Variants in SETMAR observed in about 807,000 individuals in gnomAD.
SETMAR encodes SET and mariner transposase domain methyltransferase.
In SETMAR, 44 loss-of-function variants were observed where a neutral mutation model predicts 58.4. The observed-to-expected ratio is 0.75, with a 90% confidence interval of 0.59 to 0.97. SETMAR has a LOEUF of 0.97. Ranked by LOEUF, SETMAR falls within the 50% of genes least tolerant of loss-of-function variation. The pLI is 0.00. For synonymous variants in SETMAR, 332 were observed against 307.4 expected (o/e 1.08, Z -0.84); for missense variants, 903 against 840.2 (o/e 1.07, Z -0.92).
rs1430488144 is a variant in SETMAR at position 4,316,236 on chromosome 3, A to C, written c.1045A>C (p.Lys349Gln). The change falls in exon 3 of 3, where the codon AAG becomes CAG. Residue 349 changes from lysine (K) to glutamine (Q), a missense_variant. Transcript: ENST00000358065. The stretch of plus-strand genomic sequence containing the variant: ...GACTATGAAAATGATGTTAGACAAA[A>C]AGCAAATTCGAGCAATTTTCTTATT... The part of the protein sequence containing the change: ...LETMKMMLDK[K>Q]QIRAIFLFEF... The C allele has an allele frequency of 2.7e-6, 2 of 734,108 alleles. No individual in the cohort carries two copies. The highest frequency in any genetic ancestry group is 3.5e-5 in the African/African-American group (2 of 57,672). The allele number at this position is 734,108 out of a possible 1,614,324, so 45.5% of individuals were successfully genotyped here. A position where few individuals can be genotyped will look rare whatever the true frequency, so the allele number is the denominator to read the frequency against.
chr3:4,305,657 A>C (rs1007538379), intron 1 of SETMAR, among the ~76,000 whole-genome samples: 2 of 152,098 alleles, frequency 1.3e-5, no homozygotes, highest in Non-Finnish European at 2.9e-5. Context: ...CTTATTTGTT[A>C]TTTGATGTTA....
intron 1 of SETMAR, among the ~76,000 whole-genome samples, chr3:4,305,053 T>G (rs540034682): frequency 5.9e-5 from 9 of 152,302 alleles, no homozygotes; most frequent in African/African-American, 1.9e-4. Flanking sequence ...TGAGTTTGTC[T>G]GAAGACCTGG....
intron 1 of SETMAR, among the ~76,000 whole-genome samples, chr3:4,311,826 G>A (rs1302693152): frequency 6.6e-6 from 1 of 152,114 alleles, no homozygotes; most frequent in Non-Finnish European, 1.5e-5. Flanking sequence ...GGTATAAAAT[G>A]GTTTGAGTTC....
chr3:4,313,450 A>G lies in SETMAR; in HGVS notation c.709A>G (p.Ile237Val). The change falls in exon 2 of 3, where the codon ATT becomes GTT. Residue 237 changes from isoleucine (I) to valine (V), a missense_variant. Ile to Val is a conservative substitution (Grantham distance 29, BLOSUM62 3). Coordinates refer to ENST00000358065, the MANE Select transcript of SETMAR (RefSeq NM_006515.4). ...EPNLLMIPVR[I>V]DSMVPKLALF... is the part of the protein sequence containing the mutation. ...AAACCTTTTGATGATTCCTGTCCGA[A>G]TTGACTCAATGGTACCTAAGTTGGC... is the stretch of plus-strand genomic sequence containing the variant. 1.9e-6 allele frequency: 3 copies of G among 1,614,022 alleles called. No individual in the cohort carries two copies. The South Asian group carries it at 3.3e-5, about 18-fold the overall frequency.
chr3:4,316,474 C>A lies in SETMAR; in HGVS notation c.1283C>A (p.Thr428Asn), dbSNP rs1698652652. Residue 428 changes from threonine to asparagine, a missense_variant, in exon 3 of 3, where the codon ACT (threonine) becomes AAT (asparagine). Physicochemically the swap from Thr to Asn is moderately conservative, Grantham distance 65. Coordinates refer to ENST00000358065, the MANE Select transcript of SETMAR (RefSeq NM_006515.4). ...RAIIEADPLTTTREVAEELNV... is the reference protein window; with the variant it reads ...RAIIEADPLTNTREVAEELNV... ...ATCATCGAAGCTGATCCCCTTACAA[C>A]TACACGAGAAGTTGCTGAAGAACTC... 3 of 1,604,276 alleles carry A rather than the reference C, an allele frequency of 1.9e-6. No homozygotes were observed. In the Admixed American group the frequency reaches 5.1e-5, roughly 27 times the overall value.
chr3:4,316,543 G>A lies in SETMAR; in HGVS notation c.1352G>A (p.Gly451Glu). Residue 451 changes from glycine (G) to glutamate (E), a missense_variant, in exon 3 of 3, where the codon GGA becomes GAA. Gly to Glu is a moderately conservative substitution (Grantham distance 98, BLOSUM62 -2). Transcript: ENST00000358065. ...GTCGTTCGACATTTGAAGCAAATTG[G>A]AAAGGTGAAAAAGCTCGATAAGTGG... is the stretch of plus-strand genomic sequence containing the variant. ...STVVRHLKQI[G>E]KVKKLDKWVP... is the part of the protein sequence containing the mutation. 2.6e-6 allele frequency: 4 copies of A among 1,563,330 alleles called. No individual in the cohort carries two copies. The highest frequency in any genetic ancestry group is 3.5e-6 in the Non-Finnish European group (4 of 1,152,650).
chr3:4,313,844 A>AT, intron 2 of SETMAR, 83 bp downstream of exon 2: 1 of 1,584,362 alleles, frequency 6.3e-7, no homozygotes, highest in Non-Finnish European at 8.6e-7. Flanking sequence ...GCCTAGTTAC[A>AT]TAAGTTTAAC....
At chr3:4,315,662 C>A (rs539402114) in intron 2 of SETMAR, among the ~76,000 whole-genome samples, 1 of 152,166 alleles carries the variant, frequency 6.6e-6, no homozygotes, top group African/African-American at 2.4e-5. Flanking sequence ...AATGTTGACA[C>A]TTCTTTTGAG....
At position 4,313,057 on chromosome 3, in the gene SETMAR, G is replaced by C. The variant is rs748084550; in HGVS notation, c.316G>C (p.Gly106Arg). 1.9e-6 allele frequency: 3 copies of C among 1,613,946 alleles called. No homozygotes were observed. Among genetic ancestry groups the C allele is most frequent in the East Asian group, 2.2e-5 (1 of 44,866 alleles). Residue 106 changes from glycine to arginine, a missense_variant, in exon 2 of 3, where the codon GGA (glycine) becomes CGA (arginine). Transcript: ENST00000358065. Reference protein sequence around the residue: ...YDDNSCLRDIGSGGKYAEPVF... With the variant: ...YDDNSCLRDIRSGGKYAEPVF... ...TGATAACTCATGCCTTAGAGATATAGGATCTGGAGGAAAGTATGCAGAGCC... is the reference window on the plus strand; with the variant it reads ...TGATAACTCATGCCTTAGAGATATACGATCTGGAGGAAAGTATGCAGAGCC...
chr3:4,314,796 T>C (rs1447360220), intron 2 of SETMAR, among the ~76,000 whole-genome samples: 1 of 152,214 alleles, frequency 6.6e-6, no homozygotes, highest in African/African-American at 2.4e-5. Context: ...TGGAGGTTTA[T>C]CAGACATTTT....
intron 1 of SETMAR, among the ~76,000 whole-genome samples, chr3:4,308,581 T>G (rs1698283189): frequency 6.6e-6 from 1 of 152,216 alleles, no homozygotes; most frequent in Non-Finnish European, 1.5e-5. Context: ...ATTATCCTTG[T>G]CTTATAGCTA....
At position 4,316,853 on chromosome 3, in the gene SETMAR, T is replaced by C. The variant is rs987075644; in HGVS notation, c.1662T>C (p.Ile554=). The change falls in exon 3 of 3, where the codon ATT becomes ATC. Residue 554 remains isoleucine (I), a synonymous_variant. Transcript: ENST00000358065. ...HYSFLNPGET[I]TSEKYAQEID... The stretch of plus-strand genomic sequence containing the variant: ...GCTTTCTGAATCCCGGTGAAACCAT[T>C]ACATCTGAGAAGTATGCTCAGGAAA... 6.5e-7 allele frequency: 1 copy of C among 1,549,916 alleles called. No homozygotes were observed. The highest frequency in any genetic ancestry group is 8.7e-7 in the Non-Finnish European group (1 of 1,146,734).
In SETMAR at chr3:4,303,494, T is replaced by G; in HGVS notation, c.124T>G (p.Trp42Gly). 6 of 1,480,862 alleles carry G rather than the reference T, an allele frequency of 4.1e-6. No individual in the cohort carries two copies. Among genetic ancestry groups the G allele is most frequent in the African/African-American group, 2.9e-5 (2 of 67,962 alleles). The allele number at this position is 1,480,862 out of a possible 1,614,324, so 91.7% of individuals were successfully genotyped here. The change falls in exon 1 of 3, where the codon TGG becomes GGG. Residue 42 changes from tryptophan to glycine, a missense_variant. Physicochemically the swap from Trp to Gly is radical, Grantham distance 184 (BLOSUM62 -2). Transcript: ENST00000358065. ...CCAGGAAAACTTGCCGGTGGGCGCG[T>G]GGCCCCCGGGGGCCGCGCCGGCGCC... The part of the protein sequence containing the change: ...CGQENLPVGA[W>G]PPGAAPAPFQ...
At chr3:4,309,159 T>C (rs1170094851) in intron 1 of SETMAR, among the ~76,000 whole-genome samples, 1 of 152,194 alleles carries the variant, frequency 6.6e-6, no homozygotes, top group Non-Finnish European at 1.5e-5. Context: ...AGGGGTTTAT[T>C]ATCATGCAGG....
At chr3:4,303,669 T>C (rs1334569391) in intron 1 of SETMAR, 143 bp downstream of exon 1, 2 of 1,486,504 alleles carry the variant, frequency 1.3e-6, no homozygotes, top group Admixed American at 2.2e-5. Context: ...GGAATAGGTG[T>C]GCATGCCCCG....
intron 1 of SETMAR, among the ~76,000 whole-genome samples, chr3:4,304,842 C>A (rs1212012303): frequency 6.6e-6 from 1 of 152,026 alleles, no homozygotes; most frequent in African/African-American, 2.4e-5. Flanking sequence ...TCAGGAGATG[C>A]TGAGAACATG....
intron 1 of SETMAR, among the ~76,000 whole-genome samples, chr3:4,311,206 G>GT (rs941947198): frequency 9.2e-5 from 14 of 152,126 alleles, no homozygotes; most frequent in Non-Finnish European, 1.0e-4. Flanking sequence ...CCAGCTCAGA[G>GT]TTTTTTTTAG....
chr3:4,312,066 C>T (rs1053157338), intron 1 of SETMAR, among the ~76,000 whole-genome samples: 4 of 151,864 alleles, frequency 2.6e-5, no homozygotes, highest in East Asian at 1.9e-4. Flanking sequence ...TTTTCATATT[C>T]CTTTCTTATT....
chr3:4,306,316 G>C (rs960380529), intron 1 of SETMAR, among the ~76,000 whole-genome samples: 18 of 152,098 alleles, frequency 1.2e-4, no homozygotes, highest in African/African-American at 4.3e-4. Flanking sequence ...ATCTCCCTTA[G>C]AATCATTGTA....
Sources: allele counts gnomAD v4.1 joint callset (sites outside exome capture counted in the v4.1 genomes callset), GRCh38; gene constraint gnomAD v4.1.1; transcripts MANE v1.5; gene names NCBI Gene and HGNC (gene_info 2026-07-23, HGNC 2026-07-21).